FOXJ3: variants seen among roughly 807,000 people sequenced by gnomAD.
FOXJ3 encodes the protein forkhead box J3.
Under a neutral mutation model 76.1 loss-of-function variants are expected in FOXJ3, and 22 were observed. The ratio of observed to expected loss-of-function variants is 0.29; its 90% CI spans 0.21 to 0.41. The LOEUF (loss-of-function observed/expected upper bound fraction) is 0.41, where lower values mean the gene tolerates loss of function less well. Among genes scored for constraint, FOXJ3 ranks in the 10% least tolerant of loss-of-function variants. The probability of loss-of-function intolerance (pLI) is 1.00; values close to 1 mark genes in which losing one functional copy is unlikely to be tolerated. For synonymous variants in FOXJ3, 269 were observed against 261.2 expected (o/e 1.03, Z -0.29); for missense variants, 613 against 762.1 (o/e 0.80, Z 2.30).
rs767164101 is a variant in FOXJ3, at chr1:42,226,342, C to T, written c.528+1541G>A. ...ATTGTCTAGCTCTGGCCGGGCACGG[C>T]GGGTCACGCCTGTAGTACCAGCACT... On this transcript the variant is annotated intron_variant, in intron 5 of 12. Coordinates refer to ENST00000361346, the MANE Select transcript of FOXJ3 (RefSeq NM_014947.5). Among the ~76,000 whole-genome samples the T allele has an allele frequency of 5.9e-5, 9 of 152,154 alleles. No individual in the cohort carries two copies. The South Asian group carries it at 8.3e-4, about 14-fold the overall frequency.
intron 4 of FOXJ3, among the ~76,000 whole-genome samples, chr1:42,255,825 A>G (rs957717074): frequency 1.3e-5 from 2 of 152,178 alleles, no homozygotes; most frequent in Non-Finnish European, 2.9e-5. Context: ...GTTCAAGACC[A>G]GCCTGGCCAA....
At chr1:42,273,674 CAAAAA>C (rs35528514) in intron 3 of FOXJ3, among the ~76,000 whole-genome samples, 9 of 86,370 alleles carry the variant, frequency 1.0e-4, no homozygotes, top group Non-Finnish European at 1.5e-4. Flanking sequence ...CACTCCATCT[CAAAAA>C]AAAAAAAAAA....
chr1:42,298,803 C>T (rs548324072), intron 2 of FOXJ3, among the ~76,000 whole-genome samples: 1 of 152,252 alleles, frequency 6.6e-6, no homozygotes, highest in Admixed American at 6.5e-5. Context: ...CCTCTTAGCA[C>T]TGTCTTTGCT....
intron 7 of FOXJ3, among the ~76,000 whole-genome samples, chr1:42,198,058 T>C (rs570040387): frequency 1.2e-4 from 18 of 152,300 alleles, no homozygotes; most frequent in South Asian, 4.1e-4. Flanking sequence ...GCTGACTGCA[T>C]AGATTTTTTC....
intron 7 of FOXJ3, among the ~76,000 whole-genome samples, chr1:42,195,680 A>C (rs1025644558): frequency 1.3e-5 from 2 of 152,262 alleles, no homozygotes; most frequent in Admixed American, 1.3e-4. Flanking sequence ...GTGGTAAACT[A>C]CCATTTGTTT....
chr1:42,197,602 C>T (rs1183431370), intron 7 of FOXJ3, among the ~76,000 whole-genome samples: 4 of 151,816 alleles, frequency 2.6e-5, no homozygotes, highest in African/African-American at 9.7e-5. Context: ...CTCCCATACA[C>T]TTTAAATCAC....
intron 5 of FOXJ3, among the ~76,000 whole-genome samples, chr1:42,217,805 A>G (rs1647101351): frequency 2.0e-5 from 3 of 152,218 alleles, no homozygotes; most frequent in Admixed American, 2.0e-4. Flanking sequence ...ATAATTGCAC[A>G]GTTGTATAGA....
At chr1:42,288,275 CAG>C (rs1653191432) in intron 2 of FOXJ3, among the ~76,000 whole-genome samples, 1 of 152,190 alleles carries the variant, frequency 6.6e-6, no homozygotes, top group African/African-American at 2.4e-5. Flanking sequence ...TTTAAAAACT[CAG>C]AATCTGCTCC....
At chr1:42,230,332 C>A (rs540646449) in intron 4 of FOXJ3, among the ~76,000 whole-genome samples, 73 of 151,594 alleles carry the variant, frequency 4.8e-4, no homozygotes, top group Middle Eastern at 6.8e-3. Context: ...TGTCTATGAT[C>A]AAAAAAAACA....
At chr1:42,254,670 T>TG (rs1410413793) in intron 4 of FOXJ3, among the ~76,000 whole-genome samples, 1 of 143,232 alleles carries the variant, frequency 7.0e-6, no homozygotes, top group African/African-American at 2.6e-5. Context: ...TGTAGGGACA[T>TG]GGATGAAATT....
intron 4 of FOXJ3, among the ~76,000 whole-genome samples, chr1:42,250,071 G>A (rs573683453): frequency 1.1e-3 from 163 of 152,210 alleles, no homozygotes; most frequent in African/African-American, 3.8e-3. Context: ...ATAGGACCAC[G>A]GAAGTAGACT....
At chr1:42,305,404 T>C (rs1039590009) in intron 2 of FOXJ3, among the ~76,000 whole-genome samples, 1 of 152,196 alleles carries the variant, frequency 6.6e-6, no homozygotes, top group Non-Finnish European at 1.5e-5. Context: ...GCTGGGTATA[T>C]ACCCAAAAGA....
At position 42,274,761 on chromosome 1, in the gene FOXJ3, C is replaced by T. The variant is rs145551219; in HGVS notation, c.369+3587G>A. ...GAAACAAGATTTCTGAACAAAAAAA[C>T]TCTAAGTTTATAATACTGTTATTAA... On this transcript the variant is annotated intron_variant, in intron 3 of 12. Coordinates refer to ENST00000361346, the MANE Select transcript of FOXJ3 (RefSeq NM_014947.5). Among the ~76,000 whole-genome samples, 147 of 151,834 alleles carry T rather than the reference C, an allele frequency of 9.7e-4. 1 individual carries two copies. In the East Asian group the frequency reaches 0.027, roughly 28 times the overall value.
rs967424141 is a variant in FOXJ3, at chr1:42,237,939, CAT to C, written c.445-9975_445-9974del. Among the ~76,000 whole-genome samples the C allele has an allele frequency of 2.5e-3, 353 of 138,938 alleles. 1 individual carries two copies. The highest frequency in any genetic ancestry group is 8.8e-3 in the African/African-American group (331 of 37,430). The allele number at this position is 138,938 out of a possible 152,430, so 91.1% of individuals were successfully genotyped here. On this transcript the variant is annotated intron_variant, in intron 4 of 12. Coordinates refer to ENST00000361346, the MANE Select transcript of FOXJ3 (RefSeq NM_014947.5). ...ACACACACACACACACACACACACA[CAT>C]ATATATAGACACACACACATATATA...
At chr1:42,281,587 A>C (rs1458893780) in intron 2 of FOXJ3, among the ~76,000 whole-genome samples, 1 of 152,234 alleles carries the variant, frequency 6.6e-6, no homozygotes, top group Non-Finnish European at 1.5e-5. Flanking sequence ...ACTCTAAAAA[A>C]GTGGGGCTTC....
chr1:42,275,125 AAG>A (rs2124661768), intron 3 of FOXJ3, among the ~76,000 whole-genome samples: 1 of 152,348 alleles, frequency 6.6e-6, no homozygotes, highest in South Asian at 2.1e-4. Context: ...ATGGAAGAGA[AAG>A]AGATACAAAA....
intron 1 of FOXJ3, among the ~76,000 whole-genome samples, chr1:42,318,931 A>T (rs1210484986): frequency 1.3e-5 from 2 of 152,180 alleles, no homozygotes; most frequent in African/African-American, 4.8e-5. Context: ...AAATCATAAT[A>T]GCAAAAAAAT....
intron 2 of FOXJ3, among the ~76,000 whole-genome samples, chr1:42,283,994 C>T (rs1476476299): frequency 1.3e-5 from 2 of 152,138 alleles, no homozygotes; most frequent in Non-Finnish European, 2.9e-5. Flanking sequence ...AACATGGAAG[C>T]CAGATACTGA....
At chr1:42,203,882 G>A (rs1051739094) in intron 6 of FOXJ3, among the ~76,000 whole-genome samples, 6 of 151,826 alleles carry the variant, frequency 4.0e-5, no homozygotes, top group African/African-American at 1.5e-4. Flanking sequence ...TGTAATCCCA[G>A]CTACTTGGGA....
Sources: gnomAD v4.1 joint callset for allele counts (sites outside exome capture counted in the v4.1 genomes callset) on GRCh38, gnomAD v4.1.1 for gene constraint, MANE v1.5 for transcripts, NCBI Gene and HGNC (gene_info 2026-07-23, HGNC 2026-07-21) for gene names.